ATG10: variants seen among roughly 807,000 people sequenced by gnomAD.
ATG10 encodes the protein autophagy related 10, also known as ubiquitin-like-conjugating enzyme ATG10.
Under a neutral mutation model 32.1 loss-of-function variants are expected in ATG10, and 30 were observed. The ratio of observed to expected loss-of-function variants is 0.94; its 90% CI spans 0.70 to 1.27. The LOEUF (loss-of-function observed/expected upper bound fraction) is 1.27. ATG10 is among the 50% of genes most tolerant of loss of function. ATG10 has a pLI of 0.00. For missense variants in ATG10, 233 were observed against 262.3 expected, an observed-to-expected ratio of 0.89 and a Z score of 0.77; for synonymous variants, 87 against 91.5, an observed-to-expected ratio of 0.95 and a Z score of 0.28.
intron 2 of ATG10, among the ~76,000 whole-genome samples, chr5:81,999,143 C>CAAA (rs370637760): frequency 8.6e-6 from 1 of 116,542 alleles, no homozygotes; most frequent in Non-Finnish European, 1.8e-5. Flanking sequence ...AATCCTCAGC[C>CAAA]AAAAAAAAAA....
intron 2 of ATG10, among the ~76,000 whole-genome samples, chr5:82,032,030 T>C (rs1762755896): frequency 6.6e-6 from 1 of 152,234 alleles, no homozygotes; most frequent in African/African-American, 2.4e-5. Context: ...CCAGAGTATG[T>C]AGCCAAAAGT....
At chr5:82,247,114 A>G (rs1747069432) in intron 5 of ATG10, among the ~76,000 whole-genome samples, 1 of 152,086 alleles carries the variant, frequency 6.6e-6, no homozygotes, top group Non-Finnish European at 1.5e-5. Context: ...TGATGTGTCT[A>G]GGTGTGGGTT....
intron 3 of ATG10, among the ~76,000 whole-genome samples, chr5:82,100,296 C>T (rs991387421): frequency 1.3e-5 from 2 of 151,986 alleles, no homozygotes; most frequent in East Asian, 1.9e-4. Flanking sequence ...CGTGAGCCAC[C>T]GCACCTGGCC....
chr5:82,158,969 T>C (rs935279835), intron 3 of ATG10, among the ~76,000 whole-genome samples: 4 of 152,198 alleles, frequency 2.6e-5, no homozygotes, highest in African/African-American at 9.7e-5. Context: ...CTATATATAC[T>C]ATGTTTTTTC....
intron 4 of ATG10, among the ~76,000 whole-genome samples, chr5:82,168,337 T>A (rs1743662105): frequency 2.6e-5 from 4 of 152,222 alleles, no homozygotes; most frequent in Admixed American, 2.6e-4. Context: ...GCTAGAGATT[T>A]CTATATTTAT....
rs536451963 is a variant in ATG10, at chr5:82,093,427, G to A, written c.216+34825G>A. ...GTCATTATAGTTTTCATGTCTAGAA[G>A]TTTCATTTGGCTCTTTTGAAAAATA... On this transcript the variant is annotated intron_variant, in intron 3 of 7. Coordinates refer to ENST00000282185, the MANE Select transcript of ATG10 (RefSeq NM_031482.5). Among the ~76,000 whole-genome samples, 240 of 152,168 alleles carry A rather than the reference G, an allele frequency of 1.6e-3. 1 individual carries two copies. Among genetic ancestry groups the A allele is most frequent in the African/African-American group, 5.4e-3 (224 of 41,536 alleles).
chr5:82,249,652 T>A (rs550843615), intron 5 of ATG10, among the ~76,000 whole-genome samples: 2 of 152,306 alleles, frequency 1.3e-5, no homozygotes, highest in South Asian at 4.1e-4. Flanking sequence ...AATGGTTAAG[T>A]GACTTTCCCA....
At chr5:82,232,987 TA>T (rs1746426485) in intron 5 of ATG10, among the ~76,000 whole-genome samples, 1 of 152,182 alleles carries the variant, frequency 6.6e-6, no homozygotes, top group Non-Finnish European at 1.5e-5. Context: ...CACTCCCTTC[TA>T]ATGGTCTTTA....
intron 2 of ATG10, among the ~76,000 whole-genome samples, chr5:82,034,230 A>G (rs1762842140): frequency 6.6e-6 from 1 of 152,022 alleles, no homozygotes; most frequent in Non-Finnish European, 1.5e-5. Context: ...CCCAACCTGT[A>G]TCTTCCACAT....
intron 3 of ATG10, among the ~76,000 whole-genome samples, chr5:82,133,056 T>A (rs930385060): frequency 6.6e-6 from 1 of 152,216 alleles, no homozygotes; most frequent in Non-Finnish European, 1.5e-5. Context: ...GAGTGTCTGT[T>A]AATATCCTTC....
chr5:82,126,062 G>A (rs1360390833), intron 3 of ATG10, among the ~76,000 whole-genome samples: 1 of 130,786 alleles, frequency 7.6e-6, no homozygotes, highest in African/African-American at 3.0e-5. Context: ...GTTTGCCTAT[G>A]ATTTGGCTCT....
At chr5:82,027,201 C>G (rs983776494) in intron 2 of ATG10, among the ~76,000 whole-genome samples, 5 of 152,058 alleles carry the variant, frequency 3.3e-5, no homozygotes, top group African/African-American at 9.6e-5. Flanking sequence ...GAATTTCAGA[C>G]CAGCCTGGGC....
At chr5:82,025,987 A>C (rs939339279) in intron 2 of ATG10, among the ~76,000 whole-genome samples, 1 of 152,240 alleles carries the variant, frequency 6.6e-6, no homozygotes, top group Admixed American at 6.5e-5. Context: ...TTTGGTAAAA[A>C]ACATGACAAC....
At chr5:82,109,295 TGAGGAGAGGTCATTA>T (rs951320971) in intron 3 of ATG10, among the ~76,000 whole-genome samples, 1 of 152,010 alleles carries the variant, frequency 6.6e-6, no homozygotes, top group African/African-American at 2.4e-5. Flanking sequence ...GTATGGGAAC[TGAGGAGAGGTCATTA>T]GATTTGTTCA....
At chr5:82,094,107 G>A (rs1227164644) in intron 3 of ATG10, among the ~76,000 whole-genome samples, 3 of 152,010 alleles carry the variant, frequency 2.0e-5, no homozygotes, top group Non-Finnish European at 2.9e-5. Flanking sequence ...GCACCTCATC[G>A]CGGGAAGCCT....
At chr5:82,043,334 G>A (rs948692905) in intron 2 of ATG10, among the ~76,000 whole-genome samples, 8 of 152,224 alleles carry the variant, frequency 5.3e-5, no homozygotes, top group Admixed American at 6.5e-5. Context: ...GAGCAGTGGG[G>A]CCCTGGGCCT....
intron 3 of ATG10, among the ~76,000 whole-genome samples, chr5:82,136,196 T>C (rs1156532269): frequency 6.6e-6 from 1 of 152,196 alleles, no homozygotes; most frequent in Admixed American, 6.5e-5. Context: ...AGTCTGTGTC[T>C]TTTAATTGGG....
At chr5:82,160,388 G>A (rs191027292) in intron 3 of ATG10, among the ~76,000 whole-genome samples, 2 of 152,256 alleles carry the variant, frequency 1.3e-5, no homozygotes, top group East Asian at 3.9e-4. Context: ...AGTATGGTAT[G>A]GATGTACCAC....
chr5:82,052,679 G>A (rs905722865), intron 2 of ATG10, among the ~76,000 whole-genome samples: 3 of 151,976 alleles, frequency 2.0e-5, no homozygotes, highest in East Asian at 1.9e-4. Context: ...GTATCTTTCC[G>A]GATATATTCA....
Sources: allele counts gnomAD v4.1 joint callset (sites outside exome capture counted in the v4.1 genomes callset), GRCh38; gene constraint gnomAD v4.1.1; transcripts MANE v1.5; gene names NCBI Gene and HGNC (gene_info 2026-07-23, HGNC 2026-07-21).